CHL1: variants seen among roughly 807,000 people sequenced by gnomAD.
The protein encoded by CHL1 is neural cell adhesion molecule L1-like protein.
CHL1 carries 96 observed loss-of-function variants against 141.9 expected under a neutral mutation model. The ratio of observed to expected loss-of-function variants is 0.68; its 90% CI spans 0.57 to 0.80. The LOEUF is 0.80. Ranked by LOEUF, CHL1 falls within the 30% of genes least tolerant of loss-of-function variation. The pLI is 0.00. For synonymous variants in CHL1, 613 were observed against 502.2 expected, an observed-to-expected ratio of 1.22 and a Z score of -2.95; for missense variants, 1,820 against 1,457.2, an observed-to-expected ratio of 1.25 and a Z score of -4.05.
intron 8 of CHL1, 50 bp from the exon 9 acceptor site, chr3:344,539 T>TTA (rs1702600438): frequency 1.4e-6 from 2 of 1,435,086 alleles, no homozygotes; most frequent in Non-Finnish European, 1.9e-6. Context: ...TCACAGAATT[T>TTA]TATGTATATT....
chr3:211,056 A>T (rs1408346120), intron 1 of CHL1, among the ~76,000 whole-genome samples: 1 of 152,200 alleles, frequency 6.6e-6, no homozygotes, highest in Non-Finnish European at 1.5e-5. Context: ...CTGGGAAGTG[A>T]CTTGGGTTTA....
At chr3:303,242 T>C (rs1319408935) in intron 2 of CHL1, among the ~76,000 whole-genome samples, 1 of 152,204 alleles carries the variant, frequency 6.6e-6, no homozygotes, top group Admixed American at 6.5e-5. Context: ...TTTGGTTCCA[T>C]ATGAAGTTTA....
chr3:241,550 A>T (rs1009117683), intron 1 of CHL1, among the ~76,000 whole-genome samples: 31 of 150,728 alleles, frequency 2.1e-4, no homozygotes, highest in African/African-American at 6.8e-4. Context: ...CTCTTCAGCA[A>T]GTGCTGTTTC....
At chr3:256,512 A>G (rs1290477047) in intron 2 of CHL1, among the ~76,000 whole-genome samples, 1 of 152,198 alleles carries the variant, frequency 6.6e-6, no homozygotes, top group Non-Finnish European at 1.5e-5. Context: ...ATTTGGTAAC[A>G]TTTGGAAATA....
chr3:386,598 G>T (rs1487988093), intron 19 of CHL1, among the ~76,000 whole-genome samples: 1 of 152,014 alleles, frequency 6.6e-6, no homozygotes, highest in Non-Finnish European at 1.5e-5. Context: ...TTTTAACTTT[G>T]CTCAGCAAAA....
chr3:340,261 A>G (rs996226592), intron 5 of CHL1, among the ~76,000 whole-genome samples: 11 of 152,120 alleles, frequency 7.2e-5, no homozygotes, highest in African/African-American at 2.7e-4. Context: ...TCTTTTTGCA[A>G]CTTAAAGTGG....
At chr3:305,893 G>A (rs775153802) in intron 2 of CHL1, among the ~76,000 whole-genome samples, 5 of 151,910 alleles carry the variant, frequency 3.3e-5, no homozygotes, top group Admixed American at 6.6e-5. Context: ...AAAATGGTAC[G>A]TGATGATAAA....
intron 24 of CHL1, among the ~76,000 whole-genome samples, chr3:397,874 A>C (rs1708807093): frequency 6.6e-6 from 1 of 152,160 alleles, no homozygotes; most frequent in Admixed American, 6.5e-5. Context: ...GTCAATTATA[A>C]GTCAAAAGGC....
At chr3:207,043 C>T (rs1252956607) in intron 1 of CHL1, among the ~76,000 whole-genome samples, 1 of 152,070 alleles carries the variant, frequency 6.6e-6, no homozygotes, top group East Asian at 1.9e-4. Context: ...ATGGCACTGT[C>T]TTTATTAGCA....
intron 2 of CHL1, among the ~76,000 whole-genome samples, chr3:316,092 G>C (rs115356418): frequency 6.6e-6 from 1 of 151,980 alleles, no homozygotes; most frequent in African/African-American, 2.4e-5. Flanking sequence ...CTAATCTTAT[G>C]TGAATGGGCT....
rs1214041935 is a variant in CHL1, at chr3:322,664, ATAT to A, written c.91+2798_91+2800del. 3.5e-3 allele frequency among the ~76,000 whole-genome samples: 452 copies of A among 128,514 alleles called. 6 individuals carry two copies. The highest frequency in any genetic ancestry group is 0.013 in the African/African-American group (427 of 31,952). The allele number at this position is 128,514 out of a possible 152,430, so 84.3% of individuals were successfully genotyped here. A position where few individuals can be genotyped will look rare whatever the true frequency, so the allele number is the denominator to read the frequency against. On this transcript the variant is annotated intron_variant, in intron 3 of 27. Coordinates refer to ENST00000256509, the MANE Select transcript of CHL1 (RefSeq NM_006614.4). Reference sequence around the variant, plus strand: ...ATATAAAATATATATATATATATATATATATAATTATATATATATATATAAAAC... The same window carrying A: ...ATATAAAATATATATATATATATATAATAATTATATATATATATATAAAAC...
chr3:243,864 C>CA (rs1315058774), intron 1 of CHL1, among the ~76,000 whole-genome samples: 2 of 151,992 alleles, frequency 1.3e-5, no homozygotes, highest in African/African-American at 2.4e-5. Flanking sequence ...AGCTGGTATG[C>CA]AAAAAAATGT....
chr3:302,052 TC>T (rs1157084015), intron 2 of CHL1, among the ~76,000 whole-genome samples: 1 of 152,222 alleles, frequency 6.6e-6, no homozygotes, highest in African/African-American at 2.4e-5. Context: ...TCCAGCTTTA[TC>T]CATGTCCCTG....
At chr3:323,886 T>A (rs1700797159) in intron 3 of CHL1, among the ~76,000 whole-genome samples, 1 of 152,094 alleles carries the variant, frequency 6.6e-6, no homozygotes. Context: ...AAAAAAGCAA[T>A]TACAGAGATT....
At position 270,383 on chromosome 3, in the gene CHL1, A is replaced by G. The variant is rs1193308409; in HGVS notation, c.-95+25691A>G. Among the ~76,000 whole-genome samples, 4 of 152,280 alleles carry G rather than the reference A, an allele frequency of 2.6e-5. No individual in the cohort carries two copies. In the East Asian group the frequency reaches 5.8e-4, roughly 22 times the overall value. On this transcript the variant is annotated intron_variant, in intron 2 of 27. Transcript: ENST00000256509. ...TCCTGAATTTAAACCCTGGGACTCA[A>G]TATTATTTCTAACCAATCATAGGTA...
At position 391,881 on chromosome 3, in the gene CHL1, T is replaced by C. The variant is rs1043705048; in HGVS notation, c.2914+84T>C. On this transcript the variant is annotated intron_variant, in intron 23 of 27. Coordinates refer to ENST00000256509, the MANE Select transcript of CHL1 (RefSeq NM_006614.4). Reference sequence around the variant, plus strand: ...TCTCTGTGCTATGTTGGGAGTCTAATGATCACTTAAGGCCATGGTTTGTAA... The same window carrying C: ...TCTCTGTGCTATGTTGGGAGTCTAACGATCACTTAAGGCCATGGTTTGTAA... 3.5e-6 allele frequency: 4 copies of C among 1,130,430 alleles called. No homozygotes were observed. In the African/African-American group the frequency reaches 4.7e-5, roughly 13 times the overall value. 70.0% of individuals were successfully genotyped at this position (1,130,430 alleles called of 1,614,324 possible).
chr3:297,816 G>C (rs1215533065), intron 2 of CHL1, among the ~76,000 whole-genome samples: 1 of 152,142 alleles, frequency 6.6e-6, no homozygotes, highest in Non-Finnish European at 1.5e-5. Flanking sequence ...CAGACCCTTG[G>C]TTAACAACAG....
intron 5 of CHL1, among the ~76,000 whole-genome samples, chr3:336,399 G>A (rs1017597216): frequency 4.6e-5 from 7 of 152,122 alleles, no homozygotes; most frequent in African/African-American, 7.2e-5. Flanking sequence ...TGGTTAGTTA[G>A]CATGAATTGT....
At chr3:219,006 G>A (rs1456920661) in intron 1 of CHL1, among the ~76,000 whole-genome samples, 2 of 152,026 alleles carry the variant, frequency 1.3e-5, no homozygotes, top group Admixed American at 6.6e-5. Flanking sequence ...AAAATTAGCT[G>A]GGCATGGTGG....
Sources: gnomAD v4.1 joint callset for allele counts (sites outside exome capture counted in the v4.1 genomes callset) on GRCh38, gnomAD v4.1.1 for gene constraint, MANE v1.5 for transcripts, NCBI Gene and HGNC (gene_info 2026-07-23, HGNC 2026-07-21) for gene names.